Variants in KPNA1 observed in about 807,000 individuals in gnomAD.
KPNA1 encodes karyopherin subunit alpha 1.
Under a neutral mutation model 70.5 loss-of-function variants are expected in KPNA1, and 10 were observed. That is an observed-to-expected ratio of 0.14 (90% CI 0.09 to 0.24). KPNA1 has a LOEUF of 0.24. Ranked by LOEUF, KPNA1 falls within the 10% of genes least tolerant of loss-of-function variation. KPNA1 has a pLI of 1.00. For synonymous variants in KPNA1, 192 were observed against 221.9 expected, an observed-to-expected ratio of 0.87 and a Z score of 1.20; for missense variants, 397 against 637.9, an observed-to-expected ratio of 0.62 and a Z score of 4.07.
chr3:122,484,733 T>C (rs1325251256), intron 2 of KPNA1, among the ~76,000 whole-genome samples: 2 of 152,162 alleles, frequency 1.3e-5, no homozygotes, highest in Non-Finnish European at 2.9e-5. Flanking sequence ...GAAGATACTG[T>C]GCTCATGGGT....
chr3:122,473,747 C>T (rs1408403900), intron 2 of KPNA1, among the ~76,000 whole-genome samples: 4 of 152,114 alleles, frequency 2.6e-5, no homozygotes, highest in Non-Finnish European at 2.9e-5. Flanking sequence ...CAGCTAACAT[C>T]ATACTTAAAT....
intron 11 of KPNA1, 111 bp downstream of exon 11, chr3:122,437,059 C>A: frequency 9.3e-7 from 1 of 1,070,778 alleles, no homozygotes; most frequent in Non-Finnish European, 1.4e-6. Context: ...GGATTACAGG[C>A]AGGAGCCACC....
intron 2 of KPNA1, among the ~76,000 whole-genome samples, chr3:122,490,909 T>C (rs1400717555): frequency 6.6e-6 from 1 of 152,206 alleles, no homozygotes; most frequent in African/African-American, 2.4e-5. Flanking sequence ...TAAATATGAA[T>C]TTCCTTTATT....
chr3:122,477,998 A>C (rs1576324809), intron 2 of KPNA1, among the ~76,000 whole-genome samples: 1 of 150,270 alleles, frequency 6.7e-6, no homozygotes, highest in Non-Finnish European at 1.5e-5. Context: ...CCCGTCTCTA[A>C]TAAAAATACA....
intron 5 of KPNA1, chr3:122,457,874 T>C (rs1042890893): frequency 2.6e-5 from 33 of 1,285,756 alleles, no homozygotes; most frequent in Non-Finnish European, 3.1e-5. Flanking sequence ...AAAGAAAGGC[T>C]CACATCAGAA....
intron 2 of KPNA1, among the ~76,000 whole-genome samples, chr3:122,490,755 A>G (rs374246131): frequency 1.8e-4 from 27 of 152,238 alleles, no homozygotes; most frequent in African/African-American, 6.3e-4. Flanking sequence ...AGGCCTTCTC[A>G]GGACAGAGCT....
intron 5 of KPNA1, among the ~76,000 whole-genome samples, chr3:122,456,662 G>A (rs1366322275): frequency 1.3e-5 from 2 of 152,044 alleles, no homozygotes; most frequent in African/African-American, 4.8e-5. Flanking sequence ...TGAAAAGTAA[G>A]TGAATAACAG....
intron 1 of KPNA1, among the ~76,000 whole-genome samples, chr3:122,499,429 T>C (rs541637360): frequency 4.6e-4 from 69 of 149,278 alleles, no homozygotes; most frequent in African/African-American, 1.6e-3. Context: ...TGTCTATTGA[T>C]ATCACAATGT....
At chr3:122,459,665 T>C (rs911228699) in intron 5 of KPNA1, 1 of 985,344 alleles carries the variant, frequency 1.0e-6, no homozygotes, top group African/African-American at 1.7e-5. Flanking sequence ...GGACCAGAAT[T>C]ACAATCCAGG....
At chr3:122,499,262 G>A (rs1052489085) in intron 1 of KPNA1, among the ~76,000 whole-genome samples, 1 of 152,156 alleles carries the variant, frequency 6.6e-6, no homozygotes, top group Admixed American at 6.5e-5. Flanking sequence ...CCTGTCTTAT[G>A]CTAGACCTTA....
At chr3:122,499,937 G>A (rs1267831455) in intron 1 of KPNA1, among the ~76,000 whole-genome samples, 3 of 152,114 alleles carry the variant, frequency 2.0e-5, no homozygotes, top group Admixed American at 2.0e-4. Flanking sequence ...AAAGCCATAT[G>A]GGCCTAGGCT....
chr3:122,484,366 A>C (rs1186770826), intron 2 of KPNA1, among the ~76,000 whole-genome samples: 2 of 152,186 alleles, frequency 1.3e-5, no homozygotes, highest in African/African-American at 4.8e-5. Context: ...TCTCAATTAT[A>C]AAAAATAAAC....
chr3:122,441,706 T>C (rs1048737775), intron 10 of KPNA1, among the ~76,000 whole-genome samples: 1 of 152,080 alleles, frequency 6.6e-6, no homozygotes, highest in Non-Finnish European at 1.5e-5. Context: ...GTTCAAGCGA[T>C]TCTTCTACCT....
At chr3:122,433,611 C>T (rs199879256) in intron 12 of KPNA1, 50 bp downstream of exon 12, 1 of 1,496,906 alleles carries the variant, frequency 6.7e-7, no homozygotes, top group Non-Finnish European at 9.0e-7. Flanking sequence ...GTGATAGACA[C>T]AATAATAATT....
chr3:122,443,552 A>G (rs530268418), intron 9 of KPNA1, among the ~76,000 whole-genome samples: 2 of 152,264 alleles, frequency 1.3e-5, no homozygotes, highest in African/African-American at 2.4e-5. Context: ...CCAGCCCCCA[A>G]TATTTCAATG....
chr3:122,486,669 GCTCCAC>G (rs1311674850), intron 2 of KPNA1, among the ~76,000 whole-genome samples: 1 of 151,766 alleles, frequency 6.6e-6, no homozygotes, highest in Non-Finnish European at 1.5e-5. Context: ...CTCACTGCAA[GCTCCAC>G]CTCCCAGGTT....
At chr3:122,477,926 GGTCA>G (rs2076521627) in intron 2 of KPNA1, among the ~76,000 whole-genome samples, 2 of 151,768 alleles carry the variant, frequency 1.3e-5, no homozygotes, top group Non-Finnish European at 2.9e-5. Context: ...CACTTTGGGT[GGTCA>G]AGGCGGGGGG....
In KPNA1 at chr3:122,439,762, A is replaced by G. The variant is rs115638172; in HGVS notation, c.996+2276T>C. On this transcript the variant is annotated intron_variant, in intron 10 of 13. Transcript: ENST00000344337. ...TACAGCAACAACCTGTGTGTGTGACAAGGACCAAAAGTACGTAATTTGATG... is the reference window on the plus strand; with the variant it reads ...TACAGCAACAACCTGTGTGTGTGACGAGGACCAAAAGTACGTAATTTGATG... Among the ~76,000 whole-genome samples the G allele has an allele frequency of 3.6e-3, 552 of 152,268 alleles. 2 individuals are homozygous for G. The highest frequency in any genetic ancestry group is 0.013 in the African/African-American group (534 of 41,560).
rs140836071 is a variant in KPNA1 at position 122,483,533 on chromosome 3, C to T, written c.129+12904G>A. ...CTAATTTTTGTATTTTTAGTAGAAA[C>T]GGGGCTTCAACATATTGGCCAGGCT... is the stretch of plus-strand genomic sequence containing the variant. On this transcript the variant is annotated intron_variant, in intron 2 of 13. Coordinates refer to ENST00000344337, the MANE Select transcript of KPNA1 (RefSeq NM_002264.4). 6.5e-3 allele frequency among the ~76,000 whole-genome samples: 988 copies of T among 152,186 alleles called. 6 individuals carry two copies. The highest frequency in any genetic ancestry group is 0.021 in the African/African-American group (889 of 41,516).
Sources: gnomAD v4.1 joint callset for allele counts (sites outside exome capture counted in the v4.1 genomes callset) on GRCh38, gnomAD v4.1.1 for gene constraint, MANE v1.5 for transcripts, NCBI Gene and HGNC (gene_info 2026-07-23, HGNC 2026-07-21) for gene names.